The following TRPV1 variants were observed in gnomAD, a reference collection of about 807,000 sequenced individuals.
TRPV1 encodes the protein OTRPC1.
Under a neutral mutation model 82.3 loss-of-function variants are expected in TRPV1, and 82 were observed. That is an observed-to-expected ratio of 1.00 (90% confidence interval 0.83 to 1.20). The LOEUF is 1.20. Ranked by LOEUF, TRPV1 falls within the 50% of genes most tolerant of loss-of-function variation. The pLI, the probability that TRPV1 is intolerant of heterozygous loss-of-function variation, is 0.00. For synonymous variants in TRPV1, 515 were observed against 467.7 expected, an observed-to-expected ratio of 1.10 and a Z score of -1.30; for missense variants, 1,067 against 1,096.8, an observed-to-expected ratio of 0.97 and a Z score of 0.38.
chr17:3,600,784 C>G (rs1206671330), intron 2 of TRPV1, among the ~76,000 whole-genome samples: 1 of 152,132 alleles, frequency 6.6e-6, no homozygotes, highest in East Asian at 1.9e-4. Flanking sequence ...CCACTCCTGC[C>G]GGGACTCCCT....
chr17:3,587,959 C>A (rs2075104693), intron 8 of TRPV1, among the ~76,000 whole-genome samples: 1 of 152,104 alleles, frequency 6.6e-6, no homozygotes, highest in African/African-American at 2.4e-5. Flanking sequence ...TCCTTTTGTC[C>A]ATGTCCCTCT....
At position 3,580,017 on chromosome 17, in the gene TRPV1, G is replaced by A. The variant is rs950502448; in HGVS notation, c.1547+440C>T. ...GCTGCTATATACTCTACGATGCACA[G>A]GGCAGCCCCCGCCCCGCCCCGCCCC... On this transcript the variant is annotated intron_variant, in intron 11 of 16. Coordinates refer to ENST00000572705, the MANE Select transcript of TRPV1 (RefSeq NM_080704.4). Among the ~76,000 whole-genome samples, 4 of 136,654 alleles carry A rather than the reference G, an allele frequency of 2.9e-5. No individual in the cohort carries two copies. In the East Asian group the frequency reaches 1.0e-3, roughly 36 times the overall value. 89.7% of individuals were successfully genotyped at this position (136,654 alleles called of 152,430 possible).
Position 3,576,668 on chromosome 17 carries a change from A to AAAAAAAAAAAAAAATATATAT in TRPV1, c.1780+457_1780+458insATATATATTTTTTTTTTTTTT. ...CTCTGTATGAGAAAAAAAAAAAAAA[A>AAAAAAAAAAAAAAATATATAT]ATATATATATATATATATATATGCA... On this transcript the variant is annotated intron_variant, in intron 13 of 16. Coordinates refer to ENST00000572705, the MANE Select transcript of TRPV1 (RefSeq NM_080704.4). Among the ~76,000 whole-genome samples, 201 of 38,210 alleles carry AAAAAAAAAAAAAAATATATAT rather than the reference A, an allele frequency of 5.3e-3. 3 individuals carry two copies. The highest frequency in any genetic ancestry group is 8.7e-3 in the East Asian group (5 of 578). The allele number at this position is 38,210 out of a possible 152,430, so 25.1% of individuals were successfully genotyped here.
At chr17:3,591,966 C>T (rs1370136882) in intron 3 of TRPV1, 101 bp downstream of exon 3, 3 of 1,472,610 alleles carry the variant, frequency 2.0e-6, no homozygotes, top group African/African-American at 1.4e-5. Flanking sequence ...TCTCCAGCCC[C>T]CTGGCTTTGT....
chr17:3,602,640 A>T (rs161374), intron 2 of TRPV1, among the ~76,000 whole-genome samples: 3 of 152,072 alleles, frequency 2.0e-5, no homozygotes, highest in African/African-American at 7.2e-5. Context: ...CGCGCCAGCC[A>T]GCGGCTGGGC....
chr17:3,586,963 G>A (rs1266548642), intron 8 of TRPV1, among the ~76,000 whole-genome samples: 2 of 152,230 alleles, frequency 1.3e-5, no homozygotes, highest in African/African-American at 4.8e-5. Flanking sequence ...ACTGCCTCAA[G>A]AGGCCTATGG....
intron 2 of TRPV1, among the ~76,000 whole-genome samples, chr17:3,603,553 G>C (rs770296474): frequency 2.0e-5 from 3 of 152,094 alleles, no homozygotes; most frequent in Admixed American, 6.5e-5. Context: ...CCTGCTTTAC[G>C]AGGCTTTTCT....
At chr17:3,576,677 A>ATG (rs1555549485) in intron 13 of TRPV1, among the ~76,000 whole-genome samples, 2 of 95,254 alleles carry the variant, frequency 2.1e-5, no homozygotes, top group Non-Finnish European at 4.3e-5. Flanking sequence ...AAATATATAT[A>ATG]TATATATATA....
At chr17:3,590,828 G>T in intron 5 of TRPV1, 136 bp downstream of exon 5, 1 of 1,259,586 alleles carries the variant, frequency 7.9e-7, no homozygotes, top group East Asian at 2.5e-5. Context: ...GACCCCCTAG[G>T]ATTAGGAGCC....
At chr17:3,580,803 G>A (rs62069904) in intron 10 of TRPV1, among the ~76,000 whole-genome samples, 36,770 of 152,102 alleles carry the variant, frequency 0.24, 4,574 homozygotes, top group South Asian at 0.29. Flanking sequence ...GATCACCTGA[G>A]GTTAGGAGTT....
intron 11 of TRPV1, among the ~76,000 whole-genome samples, chr17:3,579,625 G>A (rs2074979650): frequency 6.6e-6 from 1 of 152,122 alleles, no homozygotes; most frequent in Non-Finnish European, 1.5e-5. Context: ...ACAGGTGCGT[G>A]CCACCATGCC....
chr17:3,607,370 C>T (rs1227244120), intron 2 of TRPV1, among the ~76,000 whole-genome samples: 1 of 151,804 alleles, frequency 6.6e-6, no homozygotes, highest in African/African-American at 2.4e-5. Context: ...CAGTAGCCCC[C>T]TGTCATCCAC....
Position 3,583,401 on chromosome 17 carries a change from G to C in TRPV1, c.1413C>G (p.Asp471Glu). The C allele has an allele frequency of 6.2e-7, 1 of 1,609,324 alleles. No homozygotes were observed. Among genetic ancestry groups the C allele is most frequent in the Non-Finnish European group, 8.5e-7 (1 of 1,177,744 alleles). The change falls in exon 10 of 17, where the codon GAC becomes GAG. Residue 471 changes from aspartate to glutamate, a missense_variant. Transcript: ENST00000572705. ...LPPFKMEKTG[D>E]YFRVTGEILS... The stretch of plus-strand genomic sequence containing the variant: ...GGATCTCTCCAGTAACTCGGAAATA[G>C]TCTCCAGTTTTTTCCATCTTAAAGG...
At chr17:3,593,116 G>GTC (rs1389382666) in intron 2 of TRPV1, among the ~76,000 whole-genome samples, 2,002 of 92,552 alleles carry the variant, frequency 0.022, 57 homozygotes, top group African/African-American at 0.18. Context: ...GTGTGTGTGT[G>GTC]TGTGTGTGTG....
intron 16 of TRPV1, among the ~76,000 whole-genome samples, 181 bp downstream of exon 16, chr17:3,571,343 G>A (rs776403688): frequency 1.3e-5 from 2 of 152,206 alleles, no homozygotes; most frequent in Non-Finnish European, 2.9e-5. Flanking sequence ...GTGACAGCAT[G>A]AGTGAGGTGC....
At chr17:3,597,321 A>G (rs1429775790) in intron 2 of TRPV1, among the ~76,000 whole-genome samples, 1 of 152,072 alleles carries the variant, frequency 6.6e-6, no homozygotes, top group Non-Finnish European at 1.5e-5. Context: ...GGCCTCTCAA[A>G]CCTGTGGCTC....
In TRPV1 at chr17:3,573,639, C is replaced by T. The variant is rs188798499; in HGVS notation, c.2097G>A (p.Lys699=). The T allele has an allele frequency of 3.1e-4, 494 of 1,612,468 alleles. 3 individuals are homozygous for T. In the African/African-American group the frequency reaches 5.6e-3, roughly 18 times the overall value. The change falls in exon 14 of 17, where the codon AAG becomes AAA. Residue 699 remains lysine, a synonymous_variant. Coordinates refer to ENST00000572705, the MANE Select transcript of TRPV1 (RefSeq NM_080704.4). ...CCCAACTCCACCCACCCACCTGCAG[C>T]TTCCAGATGTTCTTGCTCTCCTGTG... The part of the protein sequence containing the change: ...KIAQESKNIW[K]LQRAITILDT...
At chr17:3,600,414 C>T (rs536076980) in intron 2 of TRPV1, among the ~76,000 whole-genome samples, 2 of 152,246 alleles carry the variant, frequency 1.3e-5, no homozygotes, top group South Asian at 4.1e-4. Context: ...ATAGTGGAAC[C>T]TTGTCTCTAC....
In TRPV1 at chr17:3,566,816, C is replaced by T; in HGVS notation, c.2519G>A (p.Ter840=). The T allele has an allele frequency of 1.2e-6, 2 of 1,613,570 alleles. No homozygotes were observed. The highest frequency in any genetic ancestry group is 1.1e-5 in the South Asian group (1 of 91,046). Reference sequence around the variant, plus strand: ...GACAGTGCTGTCTGCGTGACGTCCTCACTTCTCCCCGGAAGCGGCAGGACT... The same window carrying T: ...GACAGTGCTGTCTGCGTGACGTCCTTACTTCTCCCCGGAAGCGGCAGGACT... ...FKSPAASGEK[*] is the part of the protein sequence containing the mutation. The change falls in exon 17 of 17, where the codon TGA becomes TAA. Residue 840 remains the stop codon, a stop_retained_variant. Transcript: ENST00000572705.
Sources: gnomAD v4.1 joint callset for allele counts (sites outside exome capture counted in the v4.1 genomes callset) on GRCh38, gnomAD v4.1.1 for gene constraint, MANE v1.5 for transcripts, NCBI Gene and HGNC (gene_info 2026-07-23, HGNC 2026-07-21) for gene names.